The following TNIP1 variants were observed in gnomAD, a reference collection of about 807,000 sequenced individuals.
TNIP1 encodes the protein TNFAIP3-interacting protein 1.
A neutral mutation model predicts 86.6 loss-of-function variants in TNIP1; 22 were observed. The observed-to-expected ratio is 0.25, with a 90% confidence interval of 0.18 to 0.36. The LOEUF (loss-of-function observed/expected upper bound fraction) is 0.36. Among genes scored for constraint, TNIP1 ranks in the 10% least tolerant of loss-of-function variants. The pLI is 1.00. For synonymous variants in TNIP1, 294 were observed against 313.0 expected (o/e 0.94, Z 0.64); for missense variants, 709 against 820.6 (o/e 0.86, Z 1.66).
chr5:151,060,547 G>C (rs933914391), intron 4 of TNIP1, 152 bp from the exon 5 acceptor site: 2 of 684,964 alleles, frequency 2.9e-6, no homozygotes, highest in South Asian at 3.4e-5. Context: ...AGATCACAAA[G>C]CAGGATTCTC....
intron 9 of TNIP1, among the ~76,000 whole-genome samples, chr5:151,044,777 AG>A (rs1237154850): frequency 1.3e-5 from 2 of 151,930 alleles, no homozygotes; most frequent in African/African-American, 4.8e-5. Context: ...GGGTGTGAGG[AG>A]GGGGAGGAAC....
chr5:151,064,557 C>T, intron 2 of TNIP1, among the ~76,000 whole-genome samples: 1 of 151,440 alleles, frequency 6.6e-6, no homozygotes. Context: ...TGCTTCAAGC[C>T]AAGCTCTGCT....
At chr5:151,056,637 G>A (rs1581829683) in intron 6 of TNIP1, 129 bp downstream of exon 6, 18 of 896,152 alleles carry the variant, frequency 2.0e-5, no homozygotes, top group Middle Eastern at 2.7e-4. Flanking sequence ...CAAAAAGCCC[G>A]AAGTCTGCCC....
intron 1 of TNIP1, among the ~76,000 whole-genome samples, chr5:151,076,064 C>T (rs1763355641): frequency 6.6e-6 from 1 of 152,220 alleles, no homozygotes; most frequent in Non-Finnish European, 1.5e-5. Flanking sequence ...CAGCTCTGCC[C>T]AGAGCAGCCC....
Position 151,036,783 on chromosome 5 carries a change from G to A in TNIP1, c.1395+7C>T, listed in dbSNP as rs1757761105. ...CCTCCCACCTGATTTCCTCCCGGAA[G>A]CCTCACCTGCTGTTTCAGCAACTCA... On this transcript the variant is annotated splice_region_variant and intron_variant, in intron 13 of 17. Coordinates refer to ENST00000521591, the MANE Select transcript of TNIP1 (RefSeq NM_006058.5). The A allele has an allele frequency of 6.2e-7, 1 of 1,614,010 alleles. No homozygotes were observed.
chr5:151,054,277 T>C (rs1760361110), intron 6 of TNIP1, among the ~76,000 whole-genome samples: 1 of 152,112 alleles, frequency 6.6e-6, no homozygotes, highest in Non-Finnish European at 1.5e-5. Flanking sequence ...CCCAGGGAGA[T>C]TTCAGAGTTG....
intron 12 of TNIP1, among the ~76,000 whole-genome samples, chr5:151,038,194 CA>C (rs2113340054): frequency 1.3e-5 from 2 of 152,260 alleles, no homozygotes; most frequent in Admixed American, 1.3e-4. Context: ...ACACCAAAAC[CA>C]AAAAGAAAGG....
At chr5:151,063,269 G>A (rs917036631) in intron 3 of TNIP1, among the ~76,000 whole-genome samples, 3 of 152,166 alleles carry the variant, frequency 2.0e-5, no homozygotes, top group Admixed American at 1.3e-4. Context: ...TGCTTGGAGT[G>A]CGATGCCTGG....
intron 1 of TNIP1, among the ~76,000 whole-genome samples, chr5:151,070,924 C>G (rs1762755155): frequency 6.6e-6 from 1 of 151,750 alleles, no homozygotes; most frequent in South Asian, 2.1e-4. Context: ...CTGATGTAAA[C>G]CATGGACTCC....
intron 6 of TNIP1, among the ~76,000 whole-genome samples, chr5:151,055,837 CG>C (rs1554143421): frequency 6.6e-6 from 1 of 152,154 alleles, no homozygotes; most frequent in Non-Finnish European, 1.5e-5. Flanking sequence ...ACTAAGGTGG[CG>C]GGCACTCAGA....
chr5:151,065,801 C>T (rs976806713), intron 1 of TNIP1, among the ~76,000 whole-genome samples: 6 of 152,190 alleles, frequency 3.9e-5, no homozygotes, highest in African/African-American at 1.2e-4. Flanking sequence ...CACCCTCCTC[C>T]GTGAGTCTCA....
At chr5:151,057,496 G>A (rs560002138) in intron 5 of TNIP1, among the ~76,000 whole-genome samples, 107 of 152,316 alleles carry the variant, frequency 7.0e-4, no homozygotes, top group Admixed American at 4.6e-3. Flanking sequence ...GAGGCTGAGC[G>A]GGCAGATCAC....
At chr5:151,054,073 A>T (rs1025703117) in intron 6 of TNIP1, among the ~76,000 whole-genome samples, 1 of 152,238 alleles carries the variant, frequency 6.6e-6, no homozygotes, top group Non-Finnish European at 1.5e-5. Context: ...AGAAGGGACA[A>T]GCATCACTCC....
intron 4 of TNIP1, among the ~76,000 whole-genome samples, chr5:151,061,271 T>C (rs1468876841): frequency 1.3e-5 from 2 of 152,156 alleles, no homozygotes; most frequent in Non-Finnish European, 2.9e-5. Context: ...GTGCTCAGCT[T>C]CCAGCTGACC....
At chr5:151,031,354 C>T (rs2113190298) in intron 17 of TNIP1, among the ~76,000 whole-genome samples, 1 of 152,316 alleles carries the variant, frequency 6.6e-6, no homozygotes, top group African/African-American at 2.4e-5. Flanking sequence ...ATGGACTTGG[C>T]CTCCCTGTCA....
At chr5:151,038,094 G>C (rs532016432) in intron 12 of TNIP1, among the ~76,000 whole-genome samples, 1 of 152,270 alleles carries the variant, frequency 6.6e-6, no homozygotes, top group South Asian at 2.1e-4. Context: ...TGGATTTAGA[G>C]CCCCAAGTCC....
At chr5:151,036,545 C>T (rs549273500) in intron 13 of TNIP1, among the ~76,000 whole-genome samples, 17 of 152,174 alleles carry the variant, frequency 1.1e-4, no homozygotes, top group African/African-American at 3.4e-4. Context: ...TTTTTAAATA[C>T]TAGGTAAATA....
intron 6 of TNIP1, among the ~76,000 whole-genome samples, chr5:151,053,247 C>A (rs1420887980): frequency 6.6e-6 from 1 of 151,776 alleles, no homozygotes; most frequent in Non-Finnish European, 1.5e-5. Flanking sequence ...GTAGCTGGAA[C>A]TACAGGTGTG....
At chr5:151,061,919 T>C (rs961137488) in intron 4 of TNIP1, among the ~76,000 whole-genome samples, 4 of 152,224 alleles carry the variant, frequency 2.6e-5, no homozygotes, top group African/African-American at 9.6e-5. Flanking sequence ...CATACCAGGG[T>C]CTTCCTGGTA....
Sources: gnomAD v4.1 joint callset for allele counts (sites outside exome capture counted in the v4.1 genomes callset) on GRCh38, gnomAD v4.1.1 for gene constraint, MANE v1.5 for transcripts, NCBI Gene and HGNC (gene_info 2026-07-23, HGNC 2026-07-21) for gene names.